The following NCAN variants were observed in gnomAD, a reference collection of about 807,000 sequenced individuals.
NCAN encodes the protein neurocan.
A neutral mutation model predicts 121.8 loss-of-function variants in NCAN; 47 were observed. That is an observed-to-expected ratio of 0.39 (90% CI 0.31 to 0.49). The LOEUF (loss-of-function observed/expected upper bound fraction) is 0.49. NCAN is among the 20% of genes least tolerant of loss of function. The pLI is 0.92. For synonymous variants in NCAN, 633 were observed against 702.0 expected (o/e 0.90, Z 1.55); for missense variants, 1,517 against 1,773.4 (o/e 0.86, Z 2.60).
Position 19,227,416 on chromosome 19 carries a change from C to T in NCAN, c.1796C>T (p.Thr599Ile), listed in dbSNP as rs370466971. The T allele has an allele frequency of 6.2e-6, 10 of 1,613,702 alleles. No individual in the cohort carries two copies. The highest frequency in any genetic ancestry group is 1.1e-5 in the South Asian group (1 of 91,076). ...KAEGPSARPATPDLFWSPLEA... is the reference protein window; with the variant it reads ...KAEGPSARPAIPDLFWSPLEA... ...GAGGGCCCCAGTGCCAGGCCAGCCACCCCAGACCTGTTTTGGTCCCCCTTG... is the reference window on the plus strand; with the variant it reads ...GAGGGCCCCAGTGCCAGGCCAGCCATCCCAGACCTGTTTTGGTCCCCCTTG... The change falls in exon 8 of 15, where the codon ACC (threonine) becomes ATC (isoleucine). Residue 599 changes from threonine to isoleucine, a missense_variant. Coordinates refer to ENST00000252575, the MANE Select transcript of NCAN (RefSeq NM_004386.3). The surrounding 1 kb of genome is among the most constrained non-coding windows in gnomAD (Gnocchi z 4.2).
Position 19,250,296 on chromosome 19 carries a change from A to G in NCAN, c.*385A>G. The G allele has an allele frequency of 2.6e-6, 1 of 385,726 alleles. No individual in the cohort carries two copies. The highest frequency in any genetic ancestry group is 5.0e-6 in the Non-Finnish European group (1 of 198,802). 23.9% of individuals were successfully genotyped at this position (385,726 alleles called of 1,614,324 possible). A position where few individuals can be genotyped will look rare whatever the true frequency, so the allele number is the denominator to read the frequency against. Reference sequence around the variant, plus strand: ...GAAGGAATTGCTTTTCACACCAGAAATTCAGACTTAGTCAATGTTGGCTGA... The same window carrying G: ...GAAGGAATTGCTTTTCACACCAGAAGTTCAGACTTAGTCAATGTTGGCTGA... On this transcript the variant is annotated 3_prime_UTR_variant, in exon 15 of 15. Transcript: ENST00000252575.
At chr19:19,221,266 G>A (rs747677796) in intron 3 of NCAN, among the ~76,000 whole-genome samples, 7 of 150,098 alleles carry the variant, frequency 4.7e-5, no homozygotes, top group Non-Finnish European at 1.5e-5. Flanking sequence ...ATGGCTGGGC[G>A]CAGTGGCTCA....
chr19:19,238,355 G>A lies in NCAN; in HGVS notation c.3353G>A (p.Arg1118His), dbSNP rs370172612. 44 of 1,614,056 alleles carry A rather than the reference G, an allele frequency of 2.7e-5. No homozygotes were observed. Among genetic ancestry groups the A allele is most frequent in the Non-Finnish European group, 3.5e-5 (41 of 1,180,050 alleles). The change falls in exon 11 of 15, where the codon CGC becomes CAC. Residue 1118 changes from arginine (R) to histidine (H), a missense_variant. Transcript: ENST00000252575. Reference protein sequence around the residue: ...AWEDAEKDCRRRSGHLTSVHS... With the variant: ...AWEDAEKDCRHRSGHLTSVHS... ...GAAGATGCCGAGAAGGACTGCCGCC[G>A]CCGCTCCGGCCACCTGACCAGCGTC...
Position 19,225,287 on chromosome 19 carries a change from G to A in NCAN, c.1072+17G>A. On this transcript the variant is annotated intron_variant, in intron 6 of 14. Transcript: ENST00000252575. This position sits in a 1 kb window ranked among gnomAD's most constrained non-coding sequence, Gnocchi z 4.0. ...GCTTCCGAGGTGCGTGCGTCCCCTG[G>A]TGGCCGCGCCCCCAGGGCTTTCACT... 1.3e-6 allele frequency: 2 copies of A among 1,509,024 alleles called. No individual in the cohort carries two copies. The highest frequency in any genetic ancestry group is 1.7e-6 in the Non-Finnish European group (2 of 1,144,972). 93.5% of individuals were successfully genotyped at this position (1,509,024 alleles called of 1,614,324 possible).
chr19:19,248,581 C>T (rs1254798260), intron 13 of NCAN, 119 bp from the exon 14 acceptor site: 16 of 974,192 alleles, frequency 1.6e-5, no homozygotes, highest in Non-Finnish European at 2.1e-5. Flanking sequence ...GGCAAGAGCG[C>T]GCCACTGCAC....
In NCAN at chr19:19,238,233, G is replaced by A. The variant is rs773925955; in HGVS notation, c.3251-20G>A. On this transcript the variant is annotated intron_variant, in intron 10 of 14. Coordinates refer to ENST00000252575, the MANE Select transcript of NCAN (RefSeq NM_004386.3). The stretch of plus-strand genomic sequence containing the variant: ...TGGGCCAAGGCCAGCCCCCCCTCAC[G>A]CTCCTATCCCATCTCCCAGACACCG... The A allele has an allele frequency of 1.8e-5, 29 of 1,613,560 alleles. No individual in the cohort carries two copies. Among genetic ancestry groups the A allele is most frequent in the Admixed American group, 3.3e-5 (2 of 59,988 alleles).
Position 19,224,285 on chromosome 19 carries a change from A to T in NCAN, c.651-21A>T, listed in dbSNP as rs1337265391. 6 of 1,608,266 alleles carry T rather than the reference A, an allele frequency of 3.7e-6. No homozygotes were observed. In the African/African-American group the frequency reaches 8.0e-5, roughly 22 times the overall value. On this transcript the variant is annotated intron_variant, in intron 4 of 14. Coordinates refer to ENST00000252575, the MANE Select transcript of NCAN (RefSeq NM_004386.3). The stretch of plus-strand genomic sequence containing the variant: ...CTCCAGGAGCACACATCTGAGAGGG[A>T]CCCTCCCCTTGTGTTGTCAGGTATC...
intron 8 of NCAN, among the ~76,000 whole-genome samples, chr19:19,230,517 G>A (rs1421646073): frequency 6.8e-6 from 1 of 147,984 alleles, no homozygotes; most frequent in Non-Finnish European, 1.5e-5. Context: ...TGATCCTTCT[G>A]CCTCAGGCTC....
At chr19:19,242,783 C>T (rs2060908713) in intron 12 of NCAN, among the ~76,000 whole-genome samples, 1 of 152,166 alleles carries the variant, frequency 6.6e-6, no homozygotes, top group Non-Finnish European at 1.5e-5. Context: ...TACCCATCAA[C>T]AGATGAAGGA....
chr19:19,219,465 C>T (rs763769008), intron 3 of NCAN, 149 bp downstream of exon 3: 20 of 860,450 alleles, frequency 2.3e-5, no homozygotes, highest in African/African-American at 6.9e-5. Context: ...CAGGCCAAGG[C>T]GGGTGGATTG....
At chr19:19,218,714 T>C (rs1246594514) in intron 2 of NCAN, among the ~76,000 whole-genome samples, 1 of 152,186 alleles carries the variant, frequency 6.6e-6, no homozygotes, top group Non-Finnish European at 1.5e-5. Flanking sequence ...TCAGGTGATT[T>C]GCCCGCCTTG....
intron 12 of NCAN, among the ~76,000 whole-genome samples, chr19:19,244,282 G>A (rs1050972224): frequency 3.4e-5 from 5 of 148,136 alleles, no homozygotes; most frequent in African/African-American, 1.3e-4. Flanking sequence ...TGCTAGGAAT[G>A]CTGTTCCCTG....
chr19:19,245,223 T>C, intron 12 of NCAN, 90 bp from the exon 13 acceptor site: 2 of 1,493,224 alleles, frequency 1.3e-6, no homozygotes, highest in South Asian at 1.3e-5. Context: ...GTTTGAGGGG[T>C]CTGGCCAGGG....
chr19:19,230,883 C>CTGTGTGTGTGTGTGTGTGTG (rs367759381), intron 8 of NCAN, among the ~76,000 whole-genome samples: 56 of 121,836 alleles, frequency 4.6e-4, no homozygotes, highest in South Asian at 8.6e-4. Context: ...CCACACCCGG[C>CTGTGTGTGTGTGTGTGTGTG]TGTGTGTGTG....
rs778642256 is a variant in NCAN at position 19,219,196 on chromosome 19, C to T, written c.355C>T (p.Arg119Cys). The T allele has an allele frequency of 5.6e-6, 9 of 1,611,448 alleles. No individual in the cohort carries two copies. Among genetic ancestry groups the T allele is most frequent in the Admixed American group, 1.7e-5 (1 of 59,982 alleles). The change falls in exon 3 of 15, where the codon CGC (arginine) becomes TGC (cysteine). Residue 119 changes from arginine to cysteine, a missense_variant. Physicochemically the swap from Arg to Cys is radical, Grantham distance 180. Transcript: ENST00000252575. ...AGTGTCACTGCCTTCCTACCCCCGG[C>T]GCCGAGCCAACGCCACGCTACTTCT... ...GRVSLPSYPR[R>C]RANATLLLGP...
At chr19:19,237,179 G>A (rs926550671) in intron 10 of NCAN, among the ~76,000 whole-genome samples, 2 of 151,842 alleles carry the variant, frequency 1.3e-5, no homozygotes, top group Admixed American at 1.3e-4. Context: ...AAAATACTGG[G>A]ATTACAGGCA....
chr19:19,239,855 C>T (rs1258397287), intron 11 of NCAN, among the ~76,000 whole-genome samples: 3 of 135,190 alleles, frequency 2.2e-5, no homozygotes, highest in Non-Finnish European at 4.8e-5. Flanking sequence ...CTCCCTCCAA[C>T]TCCTCCCCTC....
At chr19:19,239,108 G>T (rs28393849) in intron 11 of NCAN, among the ~76,000 whole-genome samples, 1 of 151,784 alleles carries the variant, frequency 6.6e-6, no homozygotes, top group African/African-American at 2.4e-5. Flanking sequence ...CTATCTGCCC[G>T]TCCAGCGCCC....
intron 8 of NCAN, among the ~76,000 whole-genome samples, chr19:19,230,035 T>G (rs1174493932): frequency 6.6e-6 from 1 of 152,148 alleles, no homozygotes; most frequent in Admixed American, 6.6e-5. Context: ...TTTTTCTGAG[T>G]TGCACACTTT....
Sources: gnomAD v4.1 joint callset for allele counts (sites outside exome capture counted in the v4.1 genomes callset) on GRCh38, gnomAD v4.1.1 for gene constraint, Gnocchi (gnomAD v3.1) non-coding constraint, MANE v1.5 for transcripts, NCBI Gene and HGNC (gene_info 2026-07-23, HGNC 2026-07-21) for gene names.